Variants in PRKCE observed in about 807,000 individuals in gnomAD.
PRKCE encodes protein kinase C epsilon, also known as protein kinase C epsilon type.
PRKCE carries 16 observed loss-of-function variants against 85.4 expected under a neutral mutation model. The ratio of observed to expected loss-of-function variants is 0.19; its 90% confidence interval spans 0.13 to 0.28. The LOEUF (loss-of-function observed/expected upper bound fraction) is 0.28. Among genes scored for constraint, PRKCE ranks in the 10% least tolerant of loss-of-function variants. The pLI, the probability that PRKCE is intolerant of heterozygous loss-of-function variation, is 1.00. For synonymous variants in PRKCE, 388 were observed against 371.5 expected, an observed-to-expected ratio of 1.04 and a Z score of -0.51; for missense variants, 573 against 975.2, an observed-to-expected ratio of 0.59 and a Z score of 5.49.
At chr2:45,960,644 G>C (rs1701310606) in intron 2 of PRKCE, among the ~76,000 whole-genome samples, 1 of 152,218 alleles carries the variant, frequency 6.6e-6, no homozygotes, top group South Asian at 2.1e-4. Flanking sequence ...CTGCTGTGCA[G>C]CCAGGTTCCT....
chr2:46,152,576 T>C (rs1243445159), intron 13 of PRKCE, among the ~76,000 whole-genome samples: 1 of 151,404 alleles, frequency 6.6e-6, no homozygotes, highest in Non-Finnish European at 1.5e-5. Flanking sequence ...CAAGATGGAG[T>C]GTTGCTTTGT....
chr2:45,896,871 G>A (rs1039395636), intron 2 of PRKCE, among the ~76,000 whole-genome samples: 10 of 152,084 alleles, frequency 6.6e-5, no homozygotes, highest in African/African-American at 2.4e-4. Context: ...ATTGCTTGAG[G>A]CCAGAAGTTC....
intron 1 of PRKCE, among the ~76,000 whole-genome samples, chr2:45,740,536 G>A (rs921035224): frequency 2.0e-5 from 3 of 151,890 alleles, no homozygotes; most frequent in African/African-American, 7.3e-5. Flanking sequence ...CCACTTGGAC[G>A]CACCCTTCCC....
intron 1 of PRKCE, among the ~76,000 whole-genome samples, chr2:45,763,975 G>A (rs532802023): frequency 2.0e-5 from 3 of 152,232 alleles, no homozygotes; most frequent in South Asian, 2.1e-4. Flanking sequence ...GTCCTCTGCC[G>A]TCTTGCTTAT....
At chr2:45,801,355 G>A (rs1687851831) in intron 1 of PRKCE, among the ~76,000 whole-genome samples, 1 of 150,772 alleles carries the variant, frequency 6.6e-6, no homozygotes, top group Non-Finnish European at 1.5e-5. Context: ...AAGGGGAGAA[G>A]GCCAGAGGAG....
chr2:45,802,757 G>A (rs1171162967), intron 1 of PRKCE, among the ~76,000 whole-genome samples: 1 of 152,208 alleles, frequency 6.6e-6, no homozygotes, highest in Non-Finnish European at 1.5e-5. Context: ...TTTCCATAGG[G>A]ATCCAGTTCA....
At chr2:45,953,751 T>C (rs1395146930) in intron 2 of PRKCE, among the ~76,000 whole-genome samples, 3 of 152,284 alleles carry the variant, frequency 2.0e-5, no homozygotes, top group East Asian at 1.9e-4. Flanking sequence ...CCCGAAGAGA[T>C]TGTGATTCAG....
In PRKCE at chr2:45,751,048, T is replaced by C. The variant is rs761441149; in HGVS notation, c.349-91952T>C. Among the ~76,000 whole-genome samples the C allele has an allele frequency of 4.9e-4, 75 of 152,180 alleles. 1 individual carries two copies. Among genetic ancestry groups the C allele is most frequent in the Non-Finnish European group, 8.5e-4 (58 of 68,024 alleles). On this transcript the variant is annotated intron_variant, in intron 1 of 14. Transcript: ENST00000306156. Reference sequence around the variant, plus strand: ...TCCCATCCTATTCCCCAGGAACCCATTGCCTGCTACCGCTCTGGACCACCT... The same window carrying C: ...TCCCATCCTATTCCCCAGGAACCCACTGCCTGCTACCGCTCTGGACCACCT...
intron 2 of PRKCE, among the ~76,000 whole-genome samples, chr2:45,947,625 G>A (rs908352038): frequency 3.9e-5 from 6 of 152,168 alleles, no homozygotes; most frequent in Non-Finnish European, 8.8e-5. Context: ...TGGCAGCTTG[G>A]AGACATCTTT....
In PRKCE at chr2:45,984,497, C is replaced by CT. The variant is rs1176601774; in HGVS notation, c.694-52dup. On this transcript the variant is annotated intron_variant, in intron 5 of 14. Transcript: ENST00000306156. ...TTCTTTGAGAGTTCCGTTGACAAGTCTTCTGGGGAACTGAGGAGCTCGGTG... is the reference window on the plus strand; with the variant it reads ...TTCTTTGAGAGTTCCGTTGACAAGTCTTTCTGGGGAACTGAGGAGCTCGGTG... The CT allele has an allele frequency of 5.0e-5, 79 of 1,582,028 alleles. 2 individuals carry two copies. The highest frequency in any genetic ancestry group is 4.0e-4 in the South Asian group (36 of 89,642).
chr2:46,000,592 C>T (rs1477743854), intron 6 of PRKCE, among the ~76,000 whole-genome samples: 1 of 151,926 alleles, frequency 6.6e-6, no homozygotes, highest in Non-Finnish European at 1.5e-5. Context: ...AACCCCCACA[C>T]TGAAATCCTG....
At chr2:45,757,672 A>C (rs1180793254) in intron 1 of PRKCE, among the ~76,000 whole-genome samples, 1 of 152,198 alleles carries the variant, frequency 6.6e-6, no homozygotes, top group African/African-American at 2.4e-5. Flanking sequence ...TCTCTATTAA[A>C]AAATAATAAA....
Position 46,165,605 on chromosome 2 carries a change from C to T in PRKCE, c.2067+5853C>T, listed in dbSNP as rs143577782. ...AATTGCCAATAACAGTAGCACATTTCGCTTTTGTGTTACTGATGGGCTTGC... is the reference window on the plus strand; with the variant it reads ...AATTGCCAATAACAGTAGCACATTTTGCTTTTGTGTTACTGATGGGCTTGC... On this transcript the variant is annotated intron_variant, in intron 14 of 14. Transcript: ENST00000306156. Among the ~76,000 whole-genome samples, 447 of 152,324 alleles carry T rather than the reference C, an allele frequency of 2.9e-3. 3 individuals are homozygous for T. Among genetic ancestry groups the T allele is most frequent in the African/African-American group, 1.0e-2 (415 of 41,578 alleles).
At chr2:45,680,439 A>T (rs1339348573) in intron 1 of PRKCE, among the ~76,000 whole-genome samples, 3 of 152,126 alleles carry the variant, frequency 2.0e-5, no homozygotes, top group African/African-American at 7.2e-5. Context: ...TGTGGTGGGG[A>T]TGCTTATTTT....
At chr2:45,689,400 C>G (rs1677550388) in intron 1 of PRKCE, among the ~76,000 whole-genome samples, 1 of 152,042 alleles carries the variant, frequency 6.6e-6, no homozygotes, top group Non-Finnish European at 1.5e-5. Flanking sequence ...CCCACGACCC[C>G]CAATCCCATT....
At chr2:45,885,002 T>TATATATTTTTTTTTTTTTTG (rs1553440407) in intron 2 of PRKCE, among the ~76,000 whole-genome samples, 1 of 97,642 alleles carries the variant, frequency 1.0e-5, no homozygotes, top group Non-Finnish European at 2.1e-5. Flanking sequence ...TATATATATA[T>TATATATTTTTTTTTTTTTTG]TTGTTGTTGT....
At position 45,905,769 on chromosome 2, in the gene PRKCE, T is replaced by C. The variant is rs1007253336; in HGVS notation, c.412+62706T>C. ...AATGGAGACCGGCCCATGCTCTTTA[T>C]AGTCCCTGAACACACGTGTTGACCT... On this transcript the variant is annotated intron_variant, in intron 2 of 14. Transcript: ENST00000306156. This position sits in a 1 kb window ranked among gnomAD's most constrained non-coding sequence, Gnocchi z 4.4. Among the ~76,000 whole-genome samples the C allele has an allele frequency of 6.6e-6, 1 of 152,238 alleles. No individual in the cohort carries two copies. Among genetic ancestry groups the C allele is most frequent in the Non-Finnish European group, 1.5e-5 (1 of 68,044 alleles).
chr2:45,766,609 G>A (rs1401166579), intron 1 of PRKCE, among the ~76,000 whole-genome samples: 1 of 152,218 alleles, frequency 6.6e-6, no homozygotes, highest in Non-Finnish European at 1.5e-5. Flanking sequence ...AATCTTCATG[G>A]TGGAATTTCA....
chr2:45,926,952 C>G (rs1388038438), intron 2 of PRKCE, among the ~76,000 whole-genome samples: 2 of 150,638 alleles, frequency 1.3e-5, no homozygotes, highest in Admixed American at 6.6e-5. Context: ...AGTATAGAAC[C>G]TGTATATGTG....
Sources: gnomAD v4.1 joint callset for allele counts (sites outside exome capture counted in the v4.1 genomes callset) on GRCh38, gnomAD v4.1.1 for gene constraint, Gnocchi (gnomAD v3.1) non-coding constraint, MANE v1.5 for transcripts, NCBI Gene and HGNC (gene_info 2026-07-23, HGNC 2026-07-21) for gene names.